CD109: variants seen among roughly 807,000 people sequenced by gnomAD.
The protein encoded by CD109 is CD109 molecule, also known as CD109 antigen.
CD109 carries 149 observed loss-of-function variants against 165.8 expected under a neutral mutation model. The observed-to-expected ratio is 0.90, with a 90% CI of 0.79 to 1.03. The LOEUF (loss-of-function observed/expected upper bound fraction) is 1.03. Ranked by LOEUF, CD109 falls within the 50% of genes least tolerant of loss-of-function variation. CD109 has a pLI of 0.00. For missense variants in CD109, 1,712 were observed against 1,677.8 expected (o/e 1.02, Z -0.36); for synonymous variants, 585 against 592.1 (o/e 0.99, Z 0.18).
rs1462724888 is a variant in CD109 at position 73,756,688 on chromosome 6, A to G, written c.673+6A>G. The G allele has an allele frequency of 1.3e-6, 2 of 1,530,396 alleles. No individual in the cohort carries two copies. The highest frequency in any genetic ancestry group is 1.4e-5 in the African/African-American group (1 of 70,892). The allele number at this position is 1,530,396 out of a possible 1,614,324, so 94.8% of individuals were successfully genotyped here. ...ATTTCAGGTTTCAGAATATGGTAAG[A>G]GTTCCTCAATCTATTTTGGAAGAAA... On this transcript the variant is annotated splice_donor_region_variant and intron_variant, in intron 6 of 32. Transcript: ENST00000287097.
chr6:73,816,850 T>C (rs1327011527), intron 30 of CD109, among the ~76,000 whole-genome samples: 1 of 151,866 alleles, frequency 6.6e-6, no homozygotes, highest in Non-Finnish European at 1.5e-5. Flanking sequence ...ATGAGAAAAA[T>C]GAGGTGGGGA....
In CD109 at chr6:73,796,497, C is replaced by G. The variant is rs10943130; in HGVS notation, c.2878+3695C>G. 2.0e-5 allele frequency among the ~76,000 whole-genome samples: 3 copies of G among 151,788 alleles called. No individual in the cohort carries two copies. In the South Asian group the frequency reaches 6.2e-4, roughly 32 times the overall value. ...CACTTAGTAACTCCAATTTGTACTACTCCATTTTATTTCTTCACTTAACAT... is the reference window on the plus strand; with the variant it reads ...CACTTAGTAACTCCAATTTGTACTAGTCCATTTTATTTCTTCACTTAACAT... On this transcript the variant is annotated intron_variant, in intron 23 of 32. Coordinates refer to ENST00000287097, the MANE Select transcript of CD109 (RefSeq NM_133493.5).
chr6:73,763,481 C>A, intron 9 of CD109, 95 bp from the exon 10 acceptor site: 1 of 641,552 alleles, frequency 1.6e-6, no homozygotes, highest in East Asian at 2.7e-5. Flanking sequence ...TATTTTTAAC[C>A]CTTTTTGCAA....
At chr6:73,720,010 T>G (rs1319899108) in intron 2 of CD109, among the ~76,000 whole-genome samples, 1 of 152,192 alleles carries the variant, frequency 6.6e-6, no homozygotes, top group Non-Finnish European at 1.5e-5. Context: ...TCCAAAGATA[T>G]GAAATCAGTA....
chr6:73,777,045 A>C (rs951421392), intron 15 of CD109, among the ~76,000 whole-genome samples: 2 of 79,790 alleles, frequency 2.5e-5, no homozygotes, highest in African/African-American at 5.4e-5. Context: ...TGCAACCTCC[A>C]CCTCCCGGGT....
the CD109 span, among the ~76,000 whole-genome samples, chr6:73,687,793 T>TGG: frequency 6.6e-6 from 1 of 152,196 alleles, no homozygotes; most frequent in Non-Finnish European, 1.5e-5. Context: ...CAGTGGGGCT[T>TGG]GTTCTCTTGT....
chr6:73,819,044 A>G (rs757885359), intron 31 of CD109, among the ~76,000 whole-genome samples: 7 of 152,316 alleles, frequency 4.6e-5, no homozygotes, highest in Non-Finnish European at 1.0e-4. Context: ...TTTGTTGCCC[A>G]GGCTGGTTTT....
intron 5 of CD109, among the ~76,000 whole-genome samples, chr6:73,748,188 C>G (rs181299798): frequency 7.9e-5 from 12 of 152,302 alleles, no homozygotes; most frequent in Admixed American, 6.5e-4. Flanking sequence ...GTCCAAGCCA[C>G]TATTATATTG....
chr6:73,793,346 T>G (rs562582001), intron 23 of CD109, among the ~76,000 whole-genome samples: 2 of 152,354 alleles, frequency 1.3e-5, no homozygotes, highest in East Asian at 1.9e-4. Context: ...GACTGTATCT[T>G]GACACCTTGA....
the CD109 span, among the ~76,000 whole-genome samples, chr6:73,685,609 A>T: frequency 1.3e-5 from 2 of 152,150 alleles, 1 homozygote; most frequent in South Asian, 4.1e-4. Context: ...GGTCACATGA[A>T]TAAGTTCTTT....
At chr6:73,740,769 T>G (rs191546720) in intron 5 of CD109, among the ~76,000 whole-genome samples, 48 of 152,046 alleles carry the variant, frequency 3.2e-4, no homozygotes, top group African/African-American at 1.1e-3. Flanking sequence ...ATTTTTGTAT[T>G]TTTAGTAGAG....
chr6:73,790,765 CCACACA>C (rs2150265169), intron 22 of CD109, among the ~76,000 whole-genome samples: 1 of 152,124 alleles, frequency 6.6e-6, no homozygotes, highest in African/African-American at 2.4e-5. Context: ...TGGATGGTGC[CCACACA>C]CACTGGGGAG....
chr6:73,715,813 A>G (rs1244671616), intron 2 of CD109, among the ~76,000 whole-genome samples: 1 of 152,160 alleles, frequency 6.6e-6, no homozygotes, highest in Non-Finnish European at 1.5e-5. Flanking sequence ...TGTACAATCA[A>G]ATTGTTATTG....
At chr6:73,696,067 C>T, upstream of CD109, 1 of 697,494 alleles carries the variant, frequency 1.4e-6, no homozygotes, top group Non-Finnish European at 2.5e-6. Context: ...CAATTTAGAT[C>T]TCTCACTCTG....
the CD109 span, among the ~76,000 whole-genome samples, chr6:73,684,371 C>T: frequency 2.2e-4 from 33 of 151,932 alleles, no homozygotes; most frequent in East Asian, 7.8e-4. Context: ...AGCTGAGTGC[C>T]ACCACTCCTG....
chr6:73,808,673 T>C (rs1475028199), intron 26 of CD109, among the ~76,000 whole-genome samples: 1 of 152,136 alleles, frequency 6.6e-6, no homozygotes, highest in African/African-American at 2.4e-5. Flanking sequence ...AATGAGATAA[T>C]GTGCAATGCT....
chr6:73,698,335 T>G (rs1264075432), intron 2 of CD109, among the ~76,000 whole-genome samples: 2 of 152,166 alleles, frequency 1.3e-5, no homozygotes, highest in Non-Finnish European at 2.9e-5. Flanking sequence ...TTATTGCATT[T>G]TTTTCTTTTT....
rs1338712151 is a variant in CD109 at position 73,758,478 on chromosome 6, T to TGA, written c.674-465_674-464insAG. Among the ~76,000 whole-genome samples, 9 of 152,210 alleles carry TGA rather than the reference T, an allele frequency of 5.9e-5. No individual in the cohort carries two copies. The South Asian group carries it at 1.7e-3, about 28-fold the overall frequency. Reference sequence around the variant, plus strand: ...TCGGGTCACTGCAACCACTGCCTCCTGGGTTCAAGCGATTCTCCTGCCTCA... The same window carrying TGA: ...TCGGGTCACTGCAACCACTGCCTCCTGAGGGTTCAAGCGATTCTCCTGCCTCA... On this transcript the variant is annotated intron_variant, in intron 6 of 32. Coordinates refer to ENST00000287097, the MANE Select transcript of CD109 (RefSeq NM_133493.5).
chr6:73,807,959 C>T, intron 25 of CD109, 124 bp from the exon 26 acceptor site: 1 of 734,284 alleles, frequency 1.4e-6, no homozygotes, highest in Non-Finnish European at 2.2e-6. Flanking sequence ...TTGCCTAGTA[C>T]AAGGTCAGGT....
Sources: allele counts gnomAD v4.1 joint callset (sites outside exome capture counted in the v4.1 genomes callset), GRCh38; gene constraint gnomAD v4.1.1; transcripts MANE v1.5; gene names NCBI Gene and HGNC (gene_info 2026-07-23, HGNC 2026-07-21).